The following DIAPH3 variants were observed in gnomAD, a reference collection of about 807,000 sequenced individuals.
DIAPH3 encodes protein diaphanous homolog 3.
A neutral mutation model predicts 144.3 loss-of-function variants in DIAPH3; 117 were observed. The observed-to-expected ratio is 0.81, with a 90% confidence interval of 0.70 to 0.95. DIAPH3 has a LOEUF of 0.95. DIAPH3 is among the 40% of genes least tolerant of loss of function. DIAPH3 has a pLI of 0.00. For synonymous variants in DIAPH3, 519 were observed against 488.9 expected, an observed-to-expected ratio of 1.06 and a Z score of -0.81; for missense variants, 1,421 against 1,412.7, an observed-to-expected ratio of 1.01 and a Z score of -0.09.
intron 22 of DIAPH3, among the ~76,000 whole-genome samples, chr13:59,846,992 T>C (rs781500641): frequency 2.0e-5 from 3 of 152,118 alleles, no homozygotes; most frequent in African/African-American, 4.8e-5. Flanking sequence ...GGCAGGAAGA[T>C]AGCTTGAGCC....
chr13:60,006,753 A>G (rs539194547), intron 9 of DIAPH3, among the ~76,000 whole-genome samples: 3 of 152,318 alleles, frequency 2.0e-5, no homozygotes, highest in Middle Eastern at 3.4e-3. Flanking sequence ...CTAGCAGTAC[A>G]TGAATTAAAA....
chr13:60,121,405 C>A (rs1370584846), intron 2 of DIAPH3, among the ~76,000 whole-genome samples: 1 of 152,034 alleles, frequency 6.6e-6, no homozygotes, highest in East Asian at 1.9e-4. Context: ...AGAACGATAG[C>A]AGAAATTGTG....
intron 20 of DIAPH3, among the ~76,000 whole-genome samples, chr13:59,882,790 C>T (rs1204014968): frequency 2.6e-5 from 4 of 152,070 alleles, no homozygotes; most frequent in Admixed American, 6.6e-5. Flanking sequence ...AAAGTCTTGG[C>T]AATATAAATT....
At chr13:60,150,082 CA>C (rs1390075838) in intron 1 of DIAPH3, among the ~76,000 whole-genome samples, 5 of 152,192 alleles carry the variant, frequency 3.3e-5, no homozygotes, top group Non-Finnish European at 7.4e-5. Context: ...AGTGCAGTGA[CA>C]CAATCATGGC....
intron 4 of DIAPH3, among the ~76,000 whole-genome samples, chr13:60,072,866 T>C (rs2057258432): frequency 6.6e-6 from 1 of 152,198 alleles, no homozygotes; most frequent in Non-Finnish European, 1.5e-5. Context: ...TTGAGGTTGG[T>C]GTCTTCAATC....
At chr13:59,936,461 T>G (rs1337260956) in intron 17 of DIAPH3, among the ~76,000 whole-genome samples, 1 of 152,110 alleles carries the variant, frequency 6.6e-6, no homozygotes, top group Non-Finnish European at 1.5e-5. Flanking sequence ...TCAAATAAAA[T>G]ATTAACACCA....
chr13:60,021,903 C>T (rs1174883003), intron 5 of DIAPH3, among the ~76,000 whole-genome samples: 1 of 152,120 alleles, frequency 6.6e-6, no homozygotes, highest in African/African-American at 2.4e-5. Flanking sequence ...TTCATAAACA[C>T]TAGATGTCTC....
intron 24 of DIAPH3, among the ~76,000 whole-genome samples, chr13:59,812,442 A>G (rs999651977): frequency 8.5e-5 from 13 of 152,330 alleles, no homozygotes; most frequent in African/African-American, 3.1e-4. Context: ...GGAAGAGTGC[A>G]TAAGAGAGCA....
chr13:59,836,755 A>G (rs1337948471), intron 23 of DIAPH3, among the ~76,000 whole-genome samples: 3 of 152,006 alleles, frequency 2.0e-5, no homozygotes, highest in African/African-American at 7.2e-5. Flanking sequence ...AAATACACAT[A>G]TTCTTCCAGA....
intron 1 of DIAPH3, among the ~76,000 whole-genome samples, chr13:60,151,972 AAC>A (rs1036682525): frequency 1.3e-5 from 2 of 152,230 alleles, no homozygotes; most frequent in Admixed American, 6.5e-5. Context: ...AATAAACAAA[AAC>A]AGTTTAATTC....
intron 4 of DIAPH3, 44 bp from the exon 5 acceptor site, chr13:60,042,864 G>T (rs1252942454): frequency 6.2e-7 from 1 of 1,603,380 alleles, no homozygotes; most frequent in Non-Finnish European, 8.5e-7. Flanking sequence ...ACTGCATGGA[G>T]ATTACCCATT....
intron 27 of DIAPH3, among the ~76,000 whole-genome samples, chr13:59,755,723 T>A (rs2037222314): frequency 6.6e-6 from 1 of 152,104 alleles, no homozygotes; most frequent in Non-Finnish European, 1.5e-5. Context: ...CCAGACCCCA[T>A]CTTAGACCAA....
rs1555274392 is a variant in DIAPH3, at chr13:59,697,491, A to AAAAAAAAAAAAAAAAAAAAAAAG, written c.3320-30646_3320-30645insCTTTTTTTTTTTTTTTTTTTTTT. Among the ~76,000 whole-genome samples the AAAAAAAAAAAAAAAAAAAAAAAG allele has an allele frequency of 9.0e-5, 7 of 78,020 alleles. 1 individual carries two copies. The highest frequency in any genetic ancestry group is 2.2e-4 in the African/African-American group (5 of 22,566). 51.2% of individuals were successfully genotyped at this position (78,020 alleles called of 152,430 possible). A position where few individuals can be genotyped will look rare whatever the true frequency, so the allele number is the denominator to read the frequency against. On this transcript the variant is annotated intron_variant, in intron 27 of 27. Transcript: ENST00000400324. ...AAAAAAAAAAAAAAAAAAAAAAAAA[A>AAAAAAAAAAAAAAAAAAAAAAAG]AAGAAGAGGGGATTCAACTCATATA... is the stretch of plus-strand genomic sequence containing the variant.
intron 27 of DIAPH3, among the ~76,000 whole-genome samples, chr13:59,670,371 C>T (rs1462434214): frequency 6.6e-6 from 1 of 152,154 alleles, no homozygotes; most frequent in Non-Finnish European, 1.5e-5. Context: ...CATTCCCAGC[C>T]CTCACATTAG....
At chr13:60,018,955 A>G (rs1056088850) in intron 5 of DIAPH3, among the ~76,000 whole-genome samples, 3 of 152,160 alleles carry the variant, frequency 2.0e-5, no homozygotes, top group Non-Finnish European at 4.4e-5. Context: ...AAAAATTTGC[A>G]AACTCAACAT....
At chr13:59,997,940 G>T (rs2052305406) in intron 9 of DIAPH3, among the ~76,000 whole-genome samples, 2 of 152,000 alleles carry the variant, frequency 1.3e-5, no homozygotes, top group South Asian at 2.1e-4. Context: ...TCTATCAGAG[G>T]CTGCAAAAGC....
chr13:60,130,436 G>C (rs1366830151), intron 2 of DIAPH3, among the ~76,000 whole-genome samples: 1 of 152,176 alleles, frequency 6.6e-6, no homozygotes, highest in Admixed American at 6.5e-5. Flanking sequence ...AGGAATCCAG[G>C]AGAGACAGAC....
chr13:60,163,847 G>T lies in DIAPH3; in HGVS notation c.-81C>A. 1 of 1,506,180 alleles carries T rather than the reference G, an allele frequency of 6.6e-7. No homozygotes were observed. The highest frequency in any genetic ancestry group is 8.9e-7 in the Non-Finnish European group (1 of 1,125,684). 93.3% of individuals were successfully genotyped at this position (1,506,180 alleles called of 1,614,324 possible). On this transcript the variant is annotated 5_prime_UTR_variant, in exon 1 of 28. Transcript: ENST00000400324. ...CTGGAAGCTGAGGGATCGACAACAG[G>T]TTTTACTCCCGGGGTCCGCCACCCA...
chr13:59,956,305 T>C (rs955278623), intron 17 of DIAPH3, among the ~76,000 whole-genome samples: 3 of 152,066 alleles, frequency 2.0e-5, no homozygotes, highest in Non-Finnish European at 4.4e-5. Flanking sequence ...GGAAAAATGA[T>C]TTCGTAGGCG....
Sources: gnomAD v4.1 joint callset for allele counts (sites outside exome capture counted in the v4.1 genomes callset) on GRCh38, gnomAD v4.1.1 for gene constraint, MANE v1.5 for transcripts, NCBI Gene and HGNC (gene_info 2026-07-23, HGNC 2026-07-21) for gene names.